The following CCSER1 variants were observed in gnomAD, a reference collection of about 807,000 sequenced individuals.
CCSER1 encodes the protein serine-rich coiled-coil domain-containing protein 1.
CCSER1 carries 41 observed loss-of-function variants against 82.0 expected under a neutral mutation model. The observed-to-expected ratio is 0.50, with a 90% confidence interval of 0.39 to 0.65. The LOEUF is 0.65. Ranked by LOEUF, CCSER1 falls within the 30% of genes least tolerant of loss-of-function variation. CCSER1 has a pLI of 0.00. For synonymous variants in CCSER1, 414 were observed against 383.9 expected, an observed-to-expected ratio of 1.08 and a Z score of -0.92; for missense variants, 1,119 against 1,064.2, an observed-to-expected ratio of 1.05 and a Z score of -0.72.
At chr4:90,766,828 C>T (rs1751315964) in intron 7 of CCSER1, among the ~76,000 whole-genome samples, 1 of 151,924 alleles carries the variant, frequency 6.6e-6, no homozygotes, top group African/African-American at 2.4e-5. Flanking sequence ...GAAGTAGGGA[C>T]ACTGTAAAGA....
chr4:90,811,977 T>C (rs1454946484), intron 7 of CCSER1, among the ~76,000 whole-genome samples: 1 of 95,290 alleles, frequency 1.0e-5, no homozygotes, highest in Non-Finnish European at 2.3e-5. Flanking sequence ...CACATATATA[T>C]ATATATATAT....
intron 10 of CCSER1, among the ~76,000 whole-genome samples, chr4:91,576,220 C>A (rs2110298248): frequency 6.6e-6 from 1 of 151,938 alleles, no homozygotes; most frequent in Admixed American, 6.6e-5. Context: ...CTTTATTCAG[C>A]CTTTAAAAAG....
At chr4:91,006,485 T>C (rs113454016) in intron 9 of CCSER1, among the ~76,000 whole-genome samples, 6,785 of 150,862 alleles carry the variant, frequency 0.045, 361 homozygotes, top group African/African-American at 0.13. Flanking sequence ...CTTTTATTTC[T>C]TTTTTTCTTT....
chr4:91,123,623 C>T (rs1479394705), intron 10 of CCSER1, among the ~76,000 whole-genome samples: 1 of 151,670 alleles, frequency 6.6e-6, no homozygotes, highest in Non-Finnish European at 1.5e-5. Context: ...CTTAACCTCT[C>T]AGTGATGGTG....
chr4:91,411,418 C>T (rs12498930), intron 10 of CCSER1, among the ~76,000 whole-genome samples: 97,990 of 143,246 alleles, frequency 0.68, 33,801 homozygotes, highest in East Asian at 0.86. Context: ...TTTTGAATGC[C>T]TTAATTTATC....
chr4:90,586,737 G>A (rs1240969497), intron 5 of CCSER1, among the ~76,000 whole-genome samples: 1 of 152,122 alleles, frequency 6.6e-6, no homozygotes, highest in Non-Finnish European at 1.5e-5. Flanking sequence ...AGAATCAATT[G>A]CATTATTATA....
chr4:91,378,477 G>A lies in CCSER1; in HGVS notation c.2218-220095G>A, dbSNP rs528671057. On this transcript the variant is annotated intron_variant, in intron 10 of 10. Transcript: ENST00000509176. The stretch of plus-strand genomic sequence containing the variant: ...AAGAAGTCCTTCACATTCCTTGTAA[G>A]TTGGATTCCTAAGTATTTTATTCTC... Among the ~76,000 whole-genome samples the A allele has an allele frequency of 2.3e-4, 35 of 152,292 alleles. No homozygotes were observed. The East Asian group carries it at 5.0e-3, about 22-fold the overall frequency.
chr4:91,296,389 A>T (rs1744163729), intron 10 of CCSER1, among the ~76,000 whole-genome samples: 1 of 148,540 alleles, frequency 6.7e-6, no homozygotes, highest in South Asian at 2.1e-4. Context: ...AGAGACTTAC[A>T]GTGTATAAAA....
chr4:90,666,130 C>T (rs1731738679), intron 6 of CCSER1, among the ~76,000 whole-genome samples: 1 of 152,128 alleles, frequency 6.6e-6, no homozygotes, highest in African/African-American at 2.4e-5. Context: ...CCCCCTCTGC[C>T]ACATCACTTC....
intron 9 of CCSER1, among the ~76,000 whole-genome samples, chr4:91,067,258 G>A (rs1258231969): frequency 6.6e-6 from 1 of 151,952 alleles, no homozygotes; most frequent in Non-Finnish European, 1.5e-5. Flanking sequence ...AAAGGCTGGT[G>A]GATTGGTAAA....
chr4:91,080,035 A>G (rs1722525326), intron 9 of CCSER1, among the ~76,000 whole-genome samples: 1 of 152,202 alleles, frequency 6.6e-6, no homozygotes, highest in Non-Finnish European at 1.5e-5. Flanking sequence ...AAGGATATCC[A>G]GGAATTGAAC....
intron 10 of CCSER1, among the ~76,000 whole-genome samples, chr4:91,489,467 A>G (rs182496485): frequency 2.1e-3 from 313 of 152,254 alleles, no homozygotes; most frequent in Non-Finnish European, 3.5e-3. Flanking sequence ...ATAGTCTTTG[A>G]CATCAGTATC....
intron 5 of CCSER1, among the ~76,000 whole-genome samples, chr4:90,582,135 C>G (rs1020089453): frequency 1.3e-5 from 2 of 151,940 alleles, no homozygotes; most frequent in African/African-American, 4.8e-5. Context: ...GCTCTCCCAC[C>G]CCCAAGAGCA....
chr4:90,861,927 T>TATATATATATATATATA (rs796104595), intron 8 of CCSER1, among the ~76,000 whole-genome samples: 2 of 74,428 alleles, frequency 2.7e-5, no homozygotes, highest in African/African-American at 7.4e-5. Context: ...TATATATATA[T>TATATATATATATATATA]TTTTTTTTTC....
intron 6 of CCSER1, among the ~76,000 whole-genome samples, chr4:90,702,618 G>C (rs1738396290): frequency 6.6e-6 from 1 of 151,968 alleles, no homozygotes; most frequent in African/African-American, 2.4e-5. Context: ...TTTTTTGATT[G>C]GTAGGTTATT....
intron 1 of CCSER1, among the ~76,000 whole-genome samples, chr4:90,138,014 T>C (rs1439864344): frequency 6.6e-6 from 1 of 152,226 alleles, no homozygotes; most frequent in Non-Finnish European, 1.5e-5. Context: ...GTATCATAAT[T>C]CACTGCTTGT....
intron 7 of CCSER1, among the ~76,000 whole-genome samples, chr4:90,747,655 A>G (rs1261740958): frequency 6.7e-6 from 1 of 149,338 alleles, no homozygotes; most frequent in African/African-American, 2.5e-5. Flanking sequence ...TTCTTTTTTT[A>G]AATTTTATTA....
chr4:91,010,871 C>T (rs1738952008), intron 9 of CCSER1, among the ~76,000 whole-genome samples: 1 of 134,186 alleles, frequency 7.5e-6, no homozygotes, highest in African/African-American at 2.5e-5. Context: ...CACTGAGTTT[C>T]CTTAAGATCA....
intron 4 of CCSER1, among the ~76,000 whole-genome samples, chr4:90,409,617 G>C (rs1050577043): frequency 6.6e-5 from 10 of 152,074 alleles, no homozygotes; most frequent in African/African-American, 2.4e-4. Flanking sequence ...CCCTAAAAGT[G>C]CTCCTGAAGG....
Sources: gnomAD v4.1 joint callset for allele counts (sites outside exome capture counted in the v4.1 genomes callset) on GRCh38, gnomAD v4.1.1 for gene constraint, MANE v1.5 for transcripts, NCBI Gene and HGNC (gene_info 2026-07-23, HGNC 2026-07-21) for gene names.